The following TCF7L1 variants were observed in gnomAD, a reference collection of about 807,000 sequenced individuals.
The protein encoded by TCF7L1 is transcription factor 7-like 1.
TCF7L1 carries 18 observed loss-of-function variants against 63.7 expected under a neutral mutation model. That is an observed-to-expected ratio of 0.28 (90% CI 0.20 to 0.42). The LOEUF is 0.42. TCF7L1 is among the 10% of genes least tolerant of loss of function. The pLI is 1.00. For missense variants in TCF7L1, 654 were observed against 779.3 expected (o/e 0.84, Z 1.91); for synonymous variants, 355 against 340.9 (o/e 1.04, Z -0.46).
At chr2:85,286,694 C>T (rs1681567124) in intron 4 of TCF7L1, among the ~76,000 whole-genome samples, 1 of 152,128 alleles carries the variant, frequency 6.6e-6, no homozygotes, top group Non-Finnish European at 1.5e-5. Flanking sequence ...AGGGTTTCTC[C>T]ACGTTGGTCA....
intron 3 of TCF7L1, among the ~76,000 whole-genome samples, chr2:85,168,224 A>ACACACACACACAC (rs1558622099): frequency 2.1e-4 from 20 of 96,398 alleles, no homozygotes; most frequent in African/African-American, 5.5e-4. Flanking sequence ...CACACACACA[A>ACACACACACACAC]AGGGACACAA....
Position 85,306,238 on chromosome 2 carries a change from A to G in TCF7L1, c.1022A>G (p.Glu341Gly). The change falls in exon 9 of 12, where the codon GAA becomes GGA. Residue 341 changes from glutamate to glycine, a missense_variant. Physicochemically the swap from Glu to Gly is moderately conservative, Grantham distance 98 (BLOSUM62 -2). Transcript: ENST00000282111. The surrounding 1 kb of genome is among the most constrained non-coding windows in gnomAD (Gnocchi z 4.3). ...CCAGTCACCGTGAAAAAGGAGGAGGAAAAGAAGCCCCACGTGAAGAAGCCT... is the reference window on the plus strand; with the variant it reads ...CCAGTCACCGTGAAAAAGGAGGAGGGAAAGAAGCCCCACGTGAAGAAGCCT... ...KSPVTVKKEE[E>G]KKPHVKKPLN... 1 of 1,614,162 alleles carries G rather than the reference A, an allele frequency of 6.2e-7. No homozygotes were observed. The highest frequency in any genetic ancestry group is 8.5e-7 in the Non-Finnish European group (1 of 1,180,026).
At chr2:85,271,059 A>G (rs1054823060) in intron 3 of TCF7L1, among the ~76,000 whole-genome samples, 2 of 152,054 alleles carry the variant, frequency 1.3e-5, no homozygotes, top group Admixed American at 6.6e-5. Context: ...AAACGCCCAA[A>G]GTCCTATATT....
intron 3 of TCF7L1, among the ~76,000 whole-genome samples, chr2:85,282,499 A>ATTT (rs994680233): frequency 6.6e-6 from 1 of 152,184 alleles, no homozygotes; most frequent in African/African-American, 2.4e-5. Flanking sequence ...CATTTATCAA[A>ATTT]TGTCTCCCAT....
At chr2:85,153,728 A>G (rs1348776651) in intron 3 of TCF7L1, among the ~76,000 whole-genome samples, 2 of 152,204 alleles carry the variant, frequency 1.3e-5, no homozygotes, top group Admixed American at 6.5e-5. Flanking sequence ...TCTAGAATAC[A>G]TATTCTTAAG....
chr2:85,290,276 C>T (rs908703497), intron 4 of TCF7L1, among the ~76,000 whole-genome samples: 20 of 152,262 alleles, frequency 1.3e-4, no homozygotes, highest in African/African-American at 3.9e-4. Context: ...CCACCTCACC[C>T]GGCCCCAGTT....
In TCF7L1 at chr2:85,176,118, T is replaced by C. The variant is rs141124276; in HGVS notation, c.441+41668T>C. On this transcript the variant is annotated intron_variant, in intron 3 of 11. Transcript: ENST00000282111. ...ATGGCAAGGGTGGAAACTGATGATA[T>C]TTGTAGGGCATACTGGGGTGAGCCA... Among the ~76,000 whole-genome samples the C allele has an allele frequency of 2.6e-4, 40 of 152,350 alleles. No individual in the cohort carries two copies. In the East Asian group the frequency reaches 7.7e-3, roughly 29 times the overall value.
chr2:85,145,941 G>A (rs1677870653), intron 3 of TCF7L1, among the ~76,000 whole-genome samples: 1 of 151,876 alleles, frequency 6.6e-6, no homozygotes, highest in African/African-American at 2.4e-5. Context: ...GAATGCCTGG[G>A]CTCAAGTGAT....
intron 3 of TCF7L1, among the ~76,000 whole-genome samples, chr2:85,275,063 G>A (rs558674521): frequency 1.6e-4 from 25 of 152,206 alleles, no homozygotes; most frequent in Non-Finnish European, 3.4e-4. Flanking sequence ...GTTCAGCTAG[G>A]ACCCCTGATT....
At chr2:85,140,752 T>C (rs1677708987) in intron 3 of TCF7L1, among the ~76,000 whole-genome samples, 1 of 151,936 alleles carries the variant, frequency 6.6e-6, no homozygotes, top group African/African-American at 2.4e-5. Flanking sequence ...TCCCAGCTAC[T>C]TGGGAGGCTG....
At chr2:85,214,308 G>C (rs1406343257) in intron 3 of TCF7L1, among the ~76,000 whole-genome samples, 1 of 152,220 alleles carries the variant, frequency 6.6e-6, no homozygotes, top group Non-Finnish European at 1.5e-5. Context: ...GGGCCTTTCT[G>C]CCCCTTGAGG....
At chr2:85,308,386 T>TCCG (rs1682174022) in intron 11 of TCF7L1, among the ~76,000 whole-genome samples, 1 of 142,892 alleles carries the variant, frequency 7.0e-6, no homozygotes. Context: ...CCTTTCACCT[T>TCCG]CCCTCCCATT....
intron 3 of TCF7L1, among the ~76,000 whole-genome samples, chr2:85,281,941 A>AT (rs1466001113): frequency 2.0e-5 from 3 of 151,904 alleles, no homozygotes; most frequent in Non-Finnish European, 2.9e-5. Flanking sequence ...ATTGTGATTG[A>AT]TTTTTCCTGA....
At chr2:85,273,638 C>T (rs1381851891) in intron 3 of TCF7L1, among the ~76,000 whole-genome samples, 2 of 152,328 alleles carry the variant, frequency 1.3e-5, no homozygotes, top group South Asian at 2.1e-4. Context: ...AGTGATTCCC[C>T]TCACAGCTGG....
At chr2:85,294,025 G>GGTTTTTTT (rs1558658876) in intron 4 of TCF7L1, among the ~76,000 whole-genome samples, 1 of 70,560 alleles carries the variant, frequency 1.4e-5, no homozygotes, top group African/African-American at 7.5e-5. Flanking sequence ...TGAACACTGG[G>GGTTTTTTT]ATTTTTTTTT....
chr2:85,254,571 C>T (rs1346009747), intron 3 of TCF7L1, among the ~76,000 whole-genome samples: 1 of 152,236 alleles, frequency 6.6e-6, no homozygotes, highest in African/African-American at 2.4e-5. Context: ...CCCCGATCCA[C>T]ATTAATGAGT....
At chr2:85,308,504 C>CT (rs1682194108) in intron 11 of TCF7L1, among the ~76,000 whole-genome samples, 1 of 110,826 alleles carries the variant, frequency 9.0e-6, no homozygotes, top group African/African-American at 4.4e-5. Context: ...CCCCCCCTCC[C>CT]TTTCTTCTTC....
At chr2:85,179,341 G>A (rs1014390101) in intron 3 of TCF7L1, among the ~76,000 whole-genome samples, 4 of 152,130 alleles carry the variant, frequency 2.6e-5, no homozygotes, top group Non-Finnish European at 5.9e-5. Flanking sequence ...CTCCTGGAGA[G>A]CCTGTTAACA....
chr2:85,253,338 G>A (rs769918660), intron 3 of TCF7L1, among the ~76,000 whole-genome samples: 1 of 147,088 alleles, frequency 6.8e-6, no homozygotes, highest in African/African-American at 2.5e-5. Context: ...GCTGTTGTTC[G>A]TAAGGTCAGA....
Sources: gnomAD v4.1 joint callset for allele counts (sites outside exome capture counted in the v4.1 genomes callset) on GRCh38, gnomAD v4.1.1 for gene constraint, Gnocchi (gnomAD v3.1) non-coding constraint, MANE v1.5 for transcripts, NCBI Gene and HGNC (gene_info 2026-07-23, HGNC 2026-07-21) for gene names.